CEP19: variants seen among roughly 807,000 people sequenced by gnomAD.
CEP19 encodes centrosomal protein 19.
In CEP19, 14 loss-of-function variants were observed where a neutral mutation model predicts 17.5. That is an observed-to-expected ratio of 0.80 (90% CI 0.53 to 1.25). The LOEUF is 1.25. Among genes scored for constraint, CEP19 ranks in the 50% most tolerant of loss-of-function variants. The pLI, the probability that CEP19 is intolerant of heterozygous loss-of-function variation, is 0.00. For synonymous variants in CEP19, 59 were observed against 65.5 expected (o/e 0.90, Z 0.48); for missense variants, 193 against 192.0 (o/e 1.01, Z -0.03).
chr3:196,710,668 C>T (rs561616086), intron 1 of CEP19, among the ~76,000 whole-genome samples: 1 of 152,108 alleles, frequency 6.6e-6, no homozygotes, highest in Non-Finnish European at 1.5e-5. Context: ...CGAGACCATG[C>T]ATGTCTCTAC....
In CEP19 at chr3:196,707,276, C is replaced by G; in HGVS notation, c.*275G>C. Reference sequence around the variant, plus strand: ...GAACTCCTGACCTTAGGTGATCCACCCGCCTCAGCCTCCCAAAGTGCTGGG... The same window carrying G: ...GAACTCCTGACCTTAGGTGATCCACGCGCCTCAGCCTCCCAAAGTGCTGGG... On this transcript the variant is annotated 3_prime_UTR_variant, in exon 3 of 3. Transcript: ENST00000409690. 1 of 344,628 alleles carries G rather than the reference C, an allele frequency of 2.9e-6. No homozygotes were observed. Among genetic ancestry groups the G allele is most frequent in the Non-Finnish European group, 5.3e-6 (1 of 189,710 alleles). The allele number at this position is 344,628 out of a possible 1,614,324, so 21.3% of individuals were successfully genotyped here.
intron 1 of CEP19, 25 bp from the exon 2 acceptor site, chr3:196,708,752 T>C: frequency 7.6e-7 from 1 of 1,308,576 alleles, no homozygotes; most frequent in Non-Finnish European, 1.1e-6. Flanking sequence ...CAACTAGGTG[T>C]TGGATAAATG....
intron 1 of CEP19, among the ~76,000 whole-genome samples, chr3:196,710,855 A>C (rs1475557134): frequency 6.7e-6 from 1 of 150,218 alleles, no homozygotes; most frequent in African/African-American, 2.4e-5. Flanking sequence ...AAAAAAAAAA[A>C]AAAAAAAAAA....
In CEP19 at chr3:196,707,278, G is replaced by A. The variant is rs1035539706; in HGVS notation, c.*273C>T. 2.3e-5 allele frequency: 8 copies of A among 348,460 alleles called. No individual in the cohort carries two copies. Among genetic ancestry groups the A allele is most frequent in the African/African-American group, 6.4e-5 (3 of 46,720 alleles). The allele number at this position is 348,460 out of a possible 1,614,324, so 21.6% of individuals were successfully genotyped here. The stretch of plus-strand genomic sequence containing the variant: ...ACTCCTGACCTTAGGTGATCCACCC[G>A]CCTCAGCCTCCCAAAGTGCTGGGAT... On this transcript the variant is annotated 3_prime_UTR_variant, in exon 3 of 3. Coordinates refer to ENST00000409690, the MANE Select transcript of CEP19 (RefSeq NM_032898.5).
rs945749868 is a variant in CEP19, at chr3:196,712,246, G to T, written c.-388C>A. 4.3e-6 allele frequency: 2 copies of T among 469,028 alleles called. No individual in the cohort carries two copies. The highest frequency in any genetic ancestry group is 7.6e-6 in the Non-Finnish European group (2 of 263,548). 29.1% of individuals were successfully genotyped at this position (469,028 alleles called of 1,614,324 possible). ...GCGCTGGCCTAGCGGTTTCCACAGC[G>T]ACAGGCCGGGCGCGCGTCCCCGCGC... On this transcript the variant is annotated 5_prime_UTR_variant, in exon 1 of 3. Coordinates refer to ENST00000409690, the MANE Select transcript of CEP19 (RefSeq NM_032898.5).
intron 1 of CEP19, among the ~76,000 whole-genome samples, chr3:196,710,834 C>A (rs1271008105): frequency 1.7e-5 from 2 of 120,152 alleles, no homozygotes; most frequent in Non-Finnish European, 3.3e-5. Flanking sequence ...GCATGATACG[C>A]CTATTCTTAA....
Position 196,708,880 on chromosome 3 carries a change from A to C in CEP19, c.-70-153T>G. On this transcript the variant is annotated intron_variant, in intron 1 of 2. Transcript: ENST00000409690. ...AAATTAAAATACGGACTGCTTCATG[A>C]ATTTGTGTGTCATCCTTGCGCAGGG... The C allele has an allele frequency of 1.3e-5, 7 of 526,000 alleles. 1 individual carries two copies. In the South Asian group the frequency reaches 1.5e-4, roughly 11 times the overall value. 32.6% of individuals were successfully genotyped at this position (526,000 alleles called of 1,614,324 possible).
chr3:196,708,462 G>C (rs200085458), intron 2 of CEP19, 66 bp downstream of exon 2: 1 of 569,970 alleles, frequency 1.8e-6, no homozygotes, highest in South Asian at 3.9e-5. Context: ...GTCCCTGACA[G>C]AGTCATGATG....
At chr3:196,711,164 G>A (rs536329907) in intron 1 of CEP19, among the ~76,000 whole-genome samples, 4 of 151,340 alleles carry the variant, frequency 2.6e-5, no homozygotes, top group African/African-American at 4.9e-5. Context: ...CTAAAGTAAT[G>A]TTTGTATTTG....
At position 196,712,236 on chromosome 3, in the gene CEP19, T is replaced by C; in HGVS notation, c.-378A>G. On this transcript the variant is annotated 5_prime_UTR_variant, in exon 1 of 3. Transcript: ENST00000409690. ...GTCCCGGCGAGCGCTGGCCTAGCGGTTTCCACAGCGACAGGCCGGGCGCGC... is the reference window on the plus strand; with the variant it reads ...GTCCCGGCGAGCGCTGGCCTAGCGGCTTCCACAGCGACAGGCCGGGCGCGC... 4.0e-6 allele frequency: 2 copies of C among 494,974 alleles called. No individual in the cohort carries two copies. Among genetic ancestry groups the C allele is most frequent in the Non-Finnish European group, 7.2e-6 (2 of 276,934 alleles). 30.7% of individuals were successfully genotyped at this position (494,974 alleles called of 1,614,324 possible). A position where few individuals can be genotyped will look rare whatever the true frequency, so the allele number is the denominator to read the frequency against.
intron 1 of CEP19, chr3:196,708,968 G>A: frequency 4.0e-6 from 1 of 246,980 alleles, no homozygotes; most frequent in East Asian, 9.1e-5. Context: ...CGACCACAAA[G>A]CTCAGTTATT....
At position 196,708,554 on chromosome 3, in the gene CEP19, G is replaced by C; in HGVS notation, c.104C>G (p.Pro35Arg). ...IKGKIRQRIM[P>R]VRNFSKFSDC... Reference sequence around the variant, plus strand: ...TGAAAACTTTGAAAAGTTTCGAACTGGCATAATGCGCTGGCGAATTTTCCC... The same window carrying C: ...TGAAAACTTTGAAAAGTTTCGAACTCGCATAATGCGCTGGCGAATTTTCCC... The change falls in exon 2 of 3, where the codon CCA becomes CGA. Residue 35 changes from proline (P) to arginine (R), a missense_variant. Transcript: ENST00000409690. 1 of 1,614,110 alleles carries C rather than the reference G, an allele frequency of 6.2e-7. No homozygotes were observed. Among genetic ancestry groups the C allele is most frequent in the Non-Finnish European group, 8.5e-7 (1 of 1,179,998 alleles).
chr3:196,711,549 C>T (rs1711783409), intron 1 of CEP19, among the ~76,000 whole-genome samples: 1 of 152,322 alleles, frequency 6.6e-6, no homozygotes, highest in Admixed American at 6.5e-5. Context: ...TGGTCTCGAA[C>T]TCCTGACCTC....
Position 196,707,805 on chromosome 3 carries a change from A to G in CEP19, c.238T>C (p.Tyr80His), listed in dbSNP as rs781512914. The G allele has an allele frequency of 1.9e-6, 3 of 1,614,174 alleles. No homozygotes were observed. Among genetic ancestry groups the G allele is most frequent in the Non-Finnish European group, 2.5e-6 (3 of 1,180,026 alleles). The change falls in exon 3 of 3, where the codon TAC becomes CAC. Residue 80 changes from tyrosine to histidine, a missense_variant. Physicochemically the swap from Tyr to His is moderately conservative, Grantham distance 83 (BLOSUM62 2). Coordinates refer to ENST00000409690, the MANE Select transcript of CEP19 (RefSeq NM_032898.5). ...LEKLFSFLRGYLSGQSLAETM... is the reference protein window; with the variant it reads ...LEKLFSFLRGHLSGQSLAETM... ...TCTGCCAGACTCTGCCCCGACAAGT[A>G]ACCTCGTAAAAAACTGAATAGCTTC... is the stretch of plus-strand genomic sequence containing the variant.
chr3:196,710,224 T>C (rs1560071858), intron 1 of CEP19, among the ~76,000 whole-genome samples: 2 of 152,198 alleles, frequency 1.3e-5, no homozygotes, highest in South Asian at 2.1e-4. Flanking sequence ...CACTTATTGT[T>C]GGGCATGAGA....
chr3:196,707,941 C>T (rs1560070536), intron 2 of CEP19, 29 bp from the exon 3 acceptor site: 1 of 1,589,356 alleles, frequency 6.3e-7, no homozygotes, highest in Non-Finnish European at 8.5e-7. Flanking sequence ...CTATATACCA[C>T]ATACGTACCA....
In CEP19 at chr3:196,707,752, T is replaced by G. The variant is rs770993769; in HGVS notation, c.291A>C (p.Thr97=). 6.2e-7 allele frequency: 1 copy of G among 1,614,180 alleles called. No homozygotes were observed. Among genetic ancestry groups the G allele is most frequent in the Non-Finnish European group, 8.5e-7 (1 of 1,180,018 alleles). ...AETMEQIQRE[T]TIDPEEDLNK... ...TCAGGTCTTCCTCAGGATCAATGGT[T>G]GTTTCCCGTTGAATTTGTTCCATTG... Residue 97 remains threonine (T), a synonymous_variant, in exon 3 of 3, where the codon ACA becomes ACC. Transcript: ENST00000409690.
In CEP19 at chr3:196,707,845, G is replaced by A. The variant is rs772475215; in HGVS notation, c.198C>T (p.Ser66=). The A allele has an allele frequency of 1.1e-5, 17 of 1,613,790 alleles. No individual in the cohort carries two copies. The South Asian group carries it at 1.4e-4, about 14-fold the overall frequency. Residue 66 remains serine, a synonymous_variant, in exon 3 of 3, where the codon TCC becomes TCT. Transcript: ENST00000409690. Reference sequence around the variant, plus strand: ...TGAATAGCTTCTCTAGCTGCCTCAGGGATACTTGTTCTAGGTAACTCTTGT... The same window carrying A: ...TGAATAGCTTCTCTAGCTGCCTCAGAGATACTTGTTCTAGGTAACTCTTGT... ...PRHKSYLEQV[S]LRQLEKLFSF...
Position 196,707,912 on chromosome 3 carries a change from T to C in CEP19, c.131A>G (p.Asp44Gly). Reference sequence around the variant, plus strand: ...TAATTGTTCAGCAGCTCTGGTGCAATCTGGGAGAGAGAAGAAAACTATATA... The same window carrying C: ...TAATTGTTCAGCAGCTCTGGTGCAACCTGGGAGAGAGAAGAAAACTATATA... ...MPVRNFSKFSDCTRAAEQLKN... is the reference protein window; with the variant it reads ...MPVRNFSKFSGCTRAAEQLKN... The change falls in exon 3 of 3, where the codon GAT becomes GGT. Residue 44 changes from aspartate to glycine, a missense_variant and splice_region_variant. Coordinates refer to ENST00000409690, the MANE Select transcript of CEP19 (RefSeq NM_032898.5). 6.2e-7 allele frequency: 1 copy of C among 1,607,890 alleles called. No homozygotes were observed. The highest frequency in any genetic ancestry group is 8.5e-7 in the Non-Finnish European group (1 of 1,179,328).
Sources: allele counts gnomAD v4.1 joint callset (sites outside exome capture counted in the v4.1 genomes callset), GRCh38; gene constraint gnomAD v4.1.1; transcripts MANE v1.5; gene names NCBI Gene and HGNC (gene_info 2026-07-23, HGNC 2026-07-21).